The following ARHGAP42 variants were observed in gnomAD, a reference collection of about 807,000 sequenced individuals.
ARHGAP42 encodes the protein Rho GTPase activating protein 42, also known as rho GTPase-activating protein 42.
In ARHGAP42, 63 loss-of-function variants were observed where a neutral mutation model predicts 125.0. The ratio of observed to expected loss-of-function variants is 0.50; its 90% CI spans 0.41 to 0.62. The LOEUF is 0.62. ARHGAP42 is among the 20% of genes least tolerant of loss of function. ARHGAP42 has a pLI of 0.00. For synonymous variants in ARHGAP42, 339 were observed against 351.0 expected, an observed-to-expected ratio of 0.97 and a Z score of 0.38; for missense variants, 766 against 1,024.2, an observed-to-expected ratio of 0.75 and a Z score of 3.44.
At chr11:100,887,556 C>T (rs548496328) in intron 4 of ARHGAP42, among the ~76,000 whole-genome samples, 5 of 152,314 alleles carry the variant, frequency 3.3e-5, no homozygotes, top group South Asian at 2.1e-4. Flanking sequence ...ACATGGTAAT[C>T]GTAACTATTT....
intron 9 of ARHGAP42, among the ~76,000 whole-genome samples, chr11:100,943,220 C>CA (rs201077774): frequency 1.3e-5 from 2 of 151,832 alleles, no homozygotes; most frequent in East Asian, 3.9e-4. Context: ...ACCTGATATA[C>CA]ATGGTAGCAA....
At chr11:100,731,975 A>G (rs1038433210) in intron 1 of ARHGAP42, among the ~76,000 whole-genome samples, 1 of 145,972 alleles carries the variant, frequency 6.9e-6, no homozygotes, top group Non-Finnish European at 1.5e-5. Flanking sequence ...TTTTTTTGAG[A>G]TGGAGTTTCG....
chr11:100,711,867 AAT>A (rs141014692), intron 1 of ARHGAP42, among the ~76,000 whole-genome samples: 2,072 of 152,338 alleles, frequency 0.014, 59 homozygotes, highest in African/African-American at 0.047. Context: ...AATGCAAATG[AAT>A]ATGAGAGTAA....
intron 10 of ARHGAP42, among the ~76,000 whole-genome samples, chr11:100,946,000 T>C (rs1241367758): frequency 6.6e-6 from 1 of 152,144 alleles, no homozygotes; most frequent in African/African-American, 2.4e-5. Flanking sequence ...TGAAAATCTG[T>C]TGTTTACTGT....
intron 1 of ARHGAP42, among the ~76,000 whole-genome samples, chr11:100,733,724 C>T (rs1483596591): frequency 7.1e-6 from 1 of 141,802 alleles, no homozygotes; most frequent in East Asian, 2.4e-4. Context: ...TCTTGGGAGG[C>T]TGAGGCATGA....
intron 4 of ARHGAP42, among the ~76,000 whole-genome samples, chr11:100,873,227 G>A (rs1865736241): frequency 6.6e-6 from 1 of 152,172 alleles, no homozygotes; most frequent in Non-Finnish European, 1.5e-5. Flanking sequence ...ATATATACGG[G>A]TATGATTGCA....
At chr11:100,813,126 T>C (rs1394769988) in intron 3 of ARHGAP42, among the ~76,000 whole-genome samples, 1 of 151,874 alleles carries the variant, frequency 6.6e-6, no homozygotes, top group Admixed American at 6.7e-5. Context: ...AAATGTAGAT[T>C]GCAAGAGAAA....
chr11:100,826,527 A>G (rs1864518357), intron 3 of ARHGAP42, among the ~76,000 whole-genome samples: 1 of 152,212 alleles, frequency 6.6e-6, no homozygotes, highest in Admixed American at 6.5e-5. Flanking sequence ...CTCATGTACC[A>G]TAATTTAGAA....
chr11:100,882,484 A>C (rs1865984837), intron 4 of ARHGAP42, among the ~76,000 whole-genome samples: 1 of 150,668 alleles, frequency 6.6e-6, no homozygotes, highest in African/African-American at 2.4e-5. Flanking sequence ...ATGTTGTTGG[A>C]TTCGGTTAGC....
intron 4 of ARHGAP42, among the ~76,000 whole-genome samples, chr11:100,892,984 T>C (rs1866257700): frequency 6.6e-6 from 1 of 152,192 alleles, no homozygotes; most frequent in Admixed American, 6.5e-5. Flanking sequence ...ACACTTCGAT[T>C]TTATAACAAC....
chr11:100,974,325 T>C (rs1312905890), intron 18 of ARHGAP42, 134 bp from the exon 19 acceptor site: 1 of 795,240 alleles, frequency 1.3e-6, no homozygotes. Flanking sequence ...TCCAGATAAA[T>C]GGAAAAGTTA....
intron 3 of ARHGAP42, among the ~76,000 whole-genome samples, chr11:100,844,883 A>T (rs1865025188): frequency 6.6e-6 from 1 of 152,164 alleles, no homozygotes; most frequent in Admixed American, 6.5e-5. Flanking sequence ...CAGAGTGGAT[A>T]TTCCTTAAAG....
chr11:100,867,151 T>C (rs994698116), intron 4 of ARHGAP42, among the ~76,000 whole-genome samples: 1 of 152,218 alleles, frequency 6.6e-6, no homozygotes, highest in African/African-American at 2.4e-5. Flanking sequence ...TTAAGGGGTC[T>C]AAGATTTCTG....
chr11:100,820,695 T>C (rs2135075661), intron 3 of ARHGAP42, among the ~76,000 whole-genome samples: 1 of 152,134 alleles, frequency 6.6e-6, no homozygotes, highest in East Asian at 1.9e-4. Context: ...TATTTATACC[T>C]CTCTATATAA....
intron 3 of ARHGAP42, among the ~76,000 whole-genome samples, chr11:100,830,264 A>G (rs1242713819): frequency 6.6e-6 from 1 of 152,240 alleles, no homozygotes; most frequent in Non-Finnish European, 1.5e-5. Context: ...TCTGTGAGGC[A>G]GCAACAAATT....
At chr11:100,821,382 C>T (rs1407804061) in intron 3 of ARHGAP42, among the ~76,000 whole-genome samples, 1 of 151,960 alleles carries the variant, frequency 6.6e-6, no homozygotes, top group Non-Finnish European at 1.5e-5. Context: ...TTGGAAATGC[C>T]CTCTGCCTTC....
Position 100,859,577 on chromosome 11 carries a change from A to G in ARHGAP42, c.336A>G (p.Leu112=). ...RRLIQNANDV[L]IAPLEKFRKE... ...AGATCCAAAACGCTAACGATGTATT[A>G]ATTGCACCACTTGAGAAATTTCGAA... The change falls in exon 4 of 24, where the codon TTA becomes TTG. Residue 112 remains leucine, a synonymous_variant. Coordinates refer to ENST00000298815, the MANE Select transcript of ARHGAP42 (RefSeq NM_152432.4). The G allele has an allele frequency of 6.6e-7, 1 of 1,523,112 alleles. No individual in the cohort carries two copies. Among genetic ancestry groups the G allele is most frequent in the South Asian group, 1.3e-5 (1 of 77,716 alleles). The allele number at this position is 1,523,112 out of a possible 1,614,324, so 94.3% of individuals were successfully genotyped here. A position where few individuals can be genotyped will look rare whatever the true frequency, so the allele number is the denominator to read the frequency against.
intron 1 of ARHGAP42, among the ~76,000 whole-genome samples, chr11:100,746,811 A>G (rs574023789): frequency 6.6e-6 from 1 of 152,352 alleles, no homozygotes; most frequent in East Asian, 1.9e-4. Context: ...AGTAATGGAT[A>G]TAAGCACTGG....
chr11:100,865,099 T>C lies in ARHGAP42; in HGVS notation c.384+5474T>C, dbSNP rs1197776648. 2.0e-5 allele frequency among the ~76,000 whole-genome samples: 3 copies of C among 152,356 alleles called. No individual in the cohort carries two copies. The East Asian group carries it at 5.8e-4, about 29-fold the overall frequency. ...CAATATATTGCTAGTCATTTTATAA[T>C]AGAGCTTGATTTCTTTATATTGTTT... On this transcript the variant is annotated intron_variant, in intron 4 of 23. Coordinates refer to ENST00000298815, the MANE Select transcript of ARHGAP42 (RefSeq NM_152432.4).
Sources: allele counts gnomAD v4.1 joint callset (sites outside exome capture counted in the v4.1 genomes callset), GRCh38; gene constraint gnomAD v4.1.1; transcripts MANE v1.5; gene names NCBI Gene and HGNC (gene_info 2026-07-23, HGNC 2026-07-21).